Variants in SRRM4 observed in about 807,000 individuals in gnomAD.
The protein encoded by SRRM4 is serine/arginine repetitive matrix protein 4.
A neutral mutation model predicts 68.9 loss-of-function variants in SRRM4; 33 were observed. The observed-to-expected ratio is 0.48, with a 90% CI of 0.36 to 0.64. The LOEUF (loss-of-function observed/expected upper bound fraction) is 0.64, where lower values mean the gene tolerates loss of function less well. Among genes scored for constraint, SRRM4 ranks in the 30% least tolerant of loss-of-function variants. The pLI is 0.00. For synonymous variants in SRRM4, 318 were observed against 318.8 expected, an observed-to-expected ratio of 1.00 and a Z score of 0.03; for missense variants, 817 against 827.1, an observed-to-expected ratio of 0.99 and a Z score of 0.15.
intron 1 of SRRM4, among the ~76,000 whole-genome samples, chr12:118,992,716 CTGTCAGGATG>C (rs1476175701): frequency 2.6e-5 from 4 of 152,310 alleles, no homozygotes; most frequent in African/African-American, 9.6e-5. Context: ...ACTTAGTCTA[CTGTCAGGATG>C]AGAGGGCAGC....
At chr12:119,084,469 G>A (rs561091723) in intron 1 of SRRM4, among the ~76,000 whole-genome samples, 3 of 152,186 alleles carry the variant, frequency 2.0e-5, no homozygotes, top group African/African-American at 7.2e-5. Context: ...ATATCCCAGT[G>A]TACTGAGATT....
intron 1 of SRRM4, among the ~76,000 whole-genome samples, chr12:119,071,449 C>T (rs985342908): frequency 5.3e-5 from 8 of 152,138 alleles, no homozygotes; most frequent in Non-Finnish European, 1.2e-4. Flanking sequence ...TCAGCACATA[C>T]GAAGCACACA....
intron 2 of SRRM4, among the ~76,000 whole-genome samples, chr12:119,113,051 T>A (rs1013827065): frequency 3.9e-5 from 6 of 152,106 alleles, no homozygotes; most frequent in African/African-American, 1.2e-4. Flanking sequence ...ATATAAATAG[T>A]CTCTCCTCCA....
chr12:119,056,377 C>T (rs1173967673), intron 1 of SRRM4, among the ~76,000 whole-genome samples: 1 of 152,214 alleles, frequency 6.6e-6, no homozygotes. Flanking sequence ...TGTTATCTCA[C>T]TTTGCTGATG....
At chr12:119,125,520 C>T (rs12422371) in intron 7 of SRRM4, 41 bp downstream of exon 7, 415,355 of 1,564,878 alleles carry the variant, frequency 0.27, 57,525 homozygotes, top group South Asian at 0.36. Flanking sequence ...CAGCCACAGC[C>T]GAGCCCAGGC....
intron 1 of SRRM4, among the ~76,000 whole-genome samples, chr12:119,073,409 C>A (rs1476782939): frequency 1.3e-5 from 2 of 150,746 alleles, no homozygotes; most frequent in Admixed American, 6.6e-5. Flanking sequence ...CTCACTGCAA[C>A]CTCCACCTCC....
intron 8 of SRRM4, among the ~76,000 whole-genome samples, chr12:119,141,226 A>G (rs1321224984): frequency 1.3e-5 from 2 of 152,224 alleles, no homozygotes; most frequent in Admixed American, 6.5e-5. Context: ...TACAGGCGTG[A>G]GCCACCATGC....
intron 1 of SRRM4, among the ~76,000 whole-genome samples, chr12:119,083,143 C>T (rs369321349): frequency 1.2e-4 from 18 of 152,124 alleles, no homozygotes; most frequent in East Asian, 3.9e-4. Flanking sequence ...ACTCAGTTCC[C>T]AGGCACAGCC....
chr12:119,008,847 A>C (rs976520417), intron 1 of SRRM4, among the ~76,000 whole-genome samples: 1 of 151,640 alleles, frequency 6.6e-6, no homozygotes. Context: ...TTCCCCCTCT[A>C]ATCCTGCCTC....
chr12:118,989,557 C>G (rs577379713), intron 1 of SRRM4, among the ~76,000 whole-genome samples: 41 of 146,064 alleles, frequency 2.8e-4, no homozygotes, highest in Non-Finnish European at 5.4e-4. Flanking sequence ...TCCAGCCCCC[C>G]ACTCCATTTG....
At chr12:119,040,635 A>AT (rs1447159218) in intron 1 of SRRM4, among the ~76,000 whole-genome samples, 1 of 152,168 alleles carries the variant, frequency 6.6e-6, no homozygotes, top group Non-Finnish European at 1.5e-5. Context: ...GCAATTGTGA[A>AT]TTGTGCTGCT....
At chr12:119,009,063 ACACATACT>A (rs902101168) in intron 1 of SRRM4, among the ~76,000 whole-genome samples, 11 of 138,678 alleles carry the variant, frequency 7.9e-5, no homozygotes, top group Non-Finnish European at 1.6e-4. Context: ...ACACGCTCAC[ACACATACT>A]CACATACACA....
intron 1 of SRRM4, among the ~76,000 whole-genome samples, chr12:119,046,073 A>G (rs565562759): frequency 1.2e-4 from 18 of 151,338 alleles, no homozygotes; most frequent in African/African-American, 4.4e-4. Context: ...AATAATAATT[A>G]TTATTATTAA....
chr12:119,059,947 G>T (rs114910665), intron 1 of SRRM4, among the ~76,000 whole-genome samples: 145 of 152,252 alleles, frequency 9.5e-4, no homozygotes, highest in African/African-American at 3.5e-3. Flanking sequence ...TGTGTTGACT[G>T]GTTCATCAGC....
At chr12:119,047,626 G>A (rs1005592686) in intron 1 of SRRM4, among the ~76,000 whole-genome samples, 4 of 152,172 alleles carry the variant, frequency 2.6e-5, no homozygotes, top group Non-Finnish European at 5.9e-5. Flanking sequence ...TATCAATGCT[G>A]AGCCCAGCTG....
chr12:119,113,658 T>TA (rs1432241490), intron 2 of SRRM4, among the ~76,000 whole-genome samples: 5 of 152,160 alleles, frequency 3.3e-5, no homozygotes, highest in Admixed American at 6.5e-5. Flanking sequence ...ATAGTGTTTT[T>TA]AAAAAAATCC....
At chr12:119,059,166 A>G (rs1446452442) in intron 1 of SRRM4, among the ~76,000 whole-genome samples, 2 of 151,900 alleles carry the variant, frequency 1.3e-5, no homozygotes, top group African/African-American at 4.8e-5. Flanking sequence ...TGATTCTACC[A>G]ATTAAACATC....
At chr12:119,044,352 G>T (rs980300497) in intron 1 of SRRM4, among the ~76,000 whole-genome samples, 1 of 152,236 alleles carries the variant, frequency 6.6e-6, no homozygotes, top group African/African-American at 2.4e-5. Flanking sequence ...CTTGGGAGAT[G>T]TGGAGGGCGG....
intron 1 of SRRM4, among the ~76,000 whole-genome samples, chr12:119,067,605 G>T (rs993308607): frequency 6.6e-6 from 1 of 152,158 alleles, no homozygotes; most frequent in African/African-American, 2.4e-5. Flanking sequence ...CTACTCGGGA[G>T]GTTCAGGCAG....
Sources: allele counts gnomAD v4.1 joint callset (sites outside exome capture counted in the v4.1 genomes callset), GRCh38; gene constraint gnomAD v4.1.1; transcripts MANE v1.5; gene names NCBI Gene and HGNC (gene_info 2026-07-23, HGNC 2026-07-21).